Variants in MSRA observed in about 807,000 individuals in gnomAD.
MSRA encodes mitochondrial peptide methionine sulfoxide reductase.
MSRA carries 54 observed loss-of-function variants against 31.3 expected under a neutral mutation model. That is an observed-to-expected ratio of 1.73 (90% CI 1.39 to 2.17). MSRA has a LOEUF of 2.17. Among genes scored for constraint, MSRA ranks in the 30% most tolerant of loss-of-function variants. MSRA has a pLI of 0.00. For missense variants in MSRA, 507 were observed against 300.9 expected, an observed-to-expected ratio of 1.69 and a Z score of -5.07; for synonymous variants, 169 against 116.5, an observed-to-expected ratio of 1.45 and a Z score of -2.90.
At chr8:10,356,542 A>C (rs1184977375) in intron 5 of MSRA, among the ~76,000 whole-genome samples, 1 of 152,154 alleles carries the variant, frequency 6.6e-6, no homozygotes, top group Non-Finnish European at 1.5e-5. Flanking sequence ...GTCCCACTCA[A>C]ATTCCTTTGT....
At chr8:10,355,250 T>C (rs1421357694) in intron 5 of MSRA, among the ~76,000 whole-genome samples, 1 of 152,150 alleles carries the variant, frequency 6.6e-6, no homozygotes, top group Non-Finnish European at 1.5e-5. Context: ...GTGCTGAGTA[T>C]TGTTTCATGT....
chr8:10,395,603 A>G (rs1807047367), intron 5 of MSRA, among the ~76,000 whole-genome samples: 1 of 152,216 alleles, frequency 6.6e-6, no homozygotes, highest in Admixed American at 6.5e-5. Flanking sequence ...TCCAGGCAGC[A>G]TCATGAATGA....
At chr8:10,271,360 T>C (rs1251831834) in intron 3 of MSRA, among the ~76,000 whole-genome samples, 1 of 152,160 alleles carries the variant, frequency 6.6e-6, no homozygotes, top group Non-Finnish European at 1.5e-5. Context: ...AGTGTGTTTT[T>C]TAAAAAAGGG....
intron 1 of MSRA, among the ~76,000 whole-genome samples, chr8:10,165,570 G>GA (rs1805054408): frequency 6.6e-6 from 1 of 152,198 alleles, no homozygotes; most frequent in Non-Finnish European, 1.5e-5. Flanking sequence ...TCACCTGCCA[G>GA]AAAATGAGTG....
intron 5 of MSRA, among the ~76,000 whole-genome samples, chr8:10,320,536 G>A (rs1801991507): frequency 6.6e-6 from 1 of 152,164 alleles, no homozygotes; most frequent in Non-Finnish European, 1.5e-5. Flanking sequence ...TGAAGACACA[G>A]CCTGTTAAAA....
At chr8:10,077,511 CAG>C (rs1798055466) in intron 1 of MSRA, among the ~76,000 whole-genome samples, 2 of 117,582 alleles carry the variant, frequency 1.7e-5, no homozygotes, top group Admixed American at 2.1e-4. Context: ...TTAAATGAGA[CAG>C]AGTCTCACTA....
At position 10,426,332 on chromosome 8, in the gene MSRA, C is replaced by T. The variant is rs76383271; in HGVS notation, c.544-1816C>T. Among the ~76,000 whole-genome samples the T allele has an allele frequency of 1.5e-3, 234 of 152,298 alleles. 2 individuals carry two copies. The highest frequency in any genetic ancestry group is 0.01 in the Middle Eastern group (3 of 294). ...AGAAGGAATTCGGTGTTTACAGAATCGTTAGCAGGGCTGTTCGCGTGAAGG... is the reference window on the plus strand; with the variant it reads ...AGAAGGAATTCGGTGTTTACAGAATTGTTAGCAGGGCTGTTCGCGTGAAGG... On this transcript the variant is annotated intron_variant, in intron 5 of 5. Transcript: ENST00000317173.
At chr8:10,221,960 A>C (rs1331752533) in intron 2 of MSRA, among the ~76,000 whole-genome samples, 1 of 152,190 alleles carries the variant, frequency 6.6e-6, no homozygotes, top group Non-Finnish European at 1.5e-5. Context: ...AGCTGAGGTC[A>C]GAGACTACGA....
intron 5 of MSRA, among the ~76,000 whole-genome samples, chr8:10,419,157 A>G (rs1327698774): frequency 6.6e-6 from 1 of 152,122 alleles, no homozygotes; most frequent in Non-Finnish European, 1.5e-5. Context: ...CCTGCTCTGT[A>G]GAATTCCTAT....
At chr8:10,277,739 C>T (rs1055890828) in intron 3 of MSRA, among the ~76,000 whole-genome samples, 3 of 152,116 alleles carry the variant, frequency 2.0e-5, no homozygotes, top group African/African-American at 7.2e-5. Flanking sequence ...TCTTTGGCTA[C>T]TTATTAGCTT....
At chr8:10,343,840 T>C (rs1228157238) in intron 5 of MSRA, among the ~76,000 whole-genome samples, 1 of 152,234 alleles carries the variant, frequency 6.6e-6, no homozygotes, top group Non-Finnish European at 1.5e-5. Flanking sequence ...ACTAGTTTTA[T>C]CTACCCAAAC....
chr8:10,068,831 G>T (rs1181098284), intron 1 of MSRA, among the ~76,000 whole-genome samples: 30 of 152,104 alleles, frequency 2.0e-4, no homozygotes. Context: ...CTGGGATTTT[G>T]ATTGCAATGA....
At chr8:10,120,616 C>A (rs535293964) in intron 1 of MSRA, among the ~76,000 whole-genome samples, 1 of 152,222 alleles carries the variant, frequency 6.6e-6, no homozygotes, top group Non-Finnish European at 1.5e-5. Context: ...TGGAACTATG[C>A]TGGATGTGCT....
chr8:10,295,342 T>C (rs945058908), intron 3 of MSRA, among the ~76,000 whole-genome samples: 2 of 152,068 alleles, frequency 1.3e-5, no homozygotes, highest in East Asian at 3.9e-4. Context: ...TCATTTCCCA[T>C]TTCTTGTCCC....
In MSRA at chr8:10,296,539, C is replaced by T. The variant is rs374377165; in HGVS notation, c.332-4995C>T. ...TGTGTTGGAATGATGGTTTAAGCTA[C>T]TTCTTGTGACTTCTATTCCAATTTT... On this transcript the variant is annotated intron_variant, in intron 3 of 5. Transcript: ENST00000317173. Among the ~76,000 whole-genome samples, 11 of 152,288 alleles carry T rather than the reference C, an allele frequency of 7.2e-5. No individual in the cohort carries two copies. The South Asian group carries it at 2.3e-3, about 32-fold the overall frequency.
chr8:10,208,550 T>C (rs887246843), intron 2 of MSRA, among the ~76,000 whole-genome samples: 3 of 152,142 alleles, frequency 2.0e-5, no homozygotes, highest in African/African-American at 7.2e-5. Context: ...CATGGCCCTT[T>C]CTTTGCCTGC....
At chr8:10,371,288 C>T (rs942401030) in intron 5 of MSRA, among the ~76,000 whole-genome samples, 1 of 152,116 alleles carries the variant, frequency 6.6e-6, no homozygotes, top group Non-Finnish European at 1.5e-5. Context: ...AGACTAGGAA[C>T]ACCCCTATAT....
intron 5 of MSRA, among the ~76,000 whole-genome samples, chr8:10,340,498 G>C (rs1803357331): frequency 6.6e-6 from 1 of 152,148 alleles, no homozygotes; most frequent in African/African-American, 2.4e-5. Flanking sequence ...TCAGCCTCCA[G>C]AATAGCTGGG....
intron 5 of MSRA, among the ~76,000 whole-genome samples, chr8:10,382,481 G>A (rs1806129938): frequency 6.6e-6 from 1 of 152,208 alleles, no homozygotes; most frequent in South Asian, 2.1e-4. Context: ...CCTGCAAGGA[G>A]GCAGGCTTTG....
Sources: allele counts gnomAD v4.1 joint callset (sites outside exome capture counted in the v4.1 genomes callset), GRCh38; gene constraint gnomAD v4.1.1; transcripts MANE v1.5; gene names NCBI Gene and HGNC (gene_info 2026-07-23, HGNC 2026-07-21).